Variants in FAM177A1 observed in about 807,000 individuals in gnomAD.
FAM177A1 encodes the protein family with sequence similarity 177 member A1.
Under a neutral mutation model 26.1 loss-of-function variants are expected in FAM177A1, and 22 were observed. The ratio of observed to expected loss-of-function variants is 0.84; its 90% CI spans 0.60 to 1.20. The LOEUF is 1.20. Among genes scored for constraint, FAM177A1 ranks in the 50% most tolerant of loss-of-function variants. The pLI is 0.00. For synonymous variants in FAM177A1, 95 were observed against 99.3 expected (o/e 0.96, Z 0.26); for missense variants, 296 against 291.1 (o/e 1.02, Z -0.12).
Position 35,082,974 on chromosome 14 carries a change from G to C in FAM177A1, c.*1746G>C, listed in dbSNP as rs535886051. On this transcript the variant is annotated 3_prime_UTR_variant, in exon 5 of 5. Coordinates refer to ENST00000280987, the MANE Select transcript of FAM177A1 (RefSeq NM_173607.5). ...ATGGGTGTAAACCCTTTATAACTTAGTGCTTAAAATATTAATCTTTTGATT... is the reference window on the plus strand; with the variant it reads ...ATGGGTGTAAACCCTTTATAACTTACTGCTTAAAATATTAATCTTTTGATT... 6.6e-6 allele frequency: 1 copy of C among 152,262 alleles called. No homozygotes were observed. Among genetic ancestry groups the C allele is most frequent in the African/African-American group, 2.4e-5 (1 of 41,556 alleles). The allele number at this position is 152,262 out of a possible 1,614,324, so 9.4% of individuals were successfully genotyped here. A position where few individuals can be genotyped will look rare whatever the true frequency, so the allele number is the denominator to read the frequency against.
intron 4 of FAM177A1, among the ~76,000 whole-genome samples, chr14:35,080,682 T>C (rs2045467125): frequency 6.6e-6 from 1 of 152,046 alleles, no homozygotes; most frequent in African/African-American, 2.4e-5. Flanking sequence ...GTGCTTGTAG[T>C]CCCAGCTACT....
At chr14:35,059,596 G>A (rs1354064766) in intron 2 of FAM177A1, among the ~76,000 whole-genome samples, 2 of 147,226 alleles carry the variant, frequency 1.4e-5, no homozygotes, top group African/African-American at 5.0e-5. Context: ...GTGCAGTGGC[G>A]CAATCTCGGC....
In FAM177A1 at chr14:35,077,468, CTTTTTTTTTTTTTTT is replaced by C. The variant is rs150813883; in HGVS notation, c.406+263_406+277del. ...TTAGTTTAGATATGGTTTTCAAGTT[CTTTTTTTTTTTTTTT>C]TTTTTTTTTTGAGACGGAGTCTCGC... On this transcript the variant is annotated intron_variant, in intron 3 of 4. Coordinates refer to ENST00000280987, the MANE Select transcript of FAM177A1 (RefSeq NM_173607.5). Among the ~76,000 whole-genome samples, 36 of 79,530 alleles carry C rather than the reference CTTTTTTTTTTTTTTT, an allele frequency of 4.5e-4. 1 individual carries two copies. Among genetic ancestry groups the C allele is most frequent in the Non-Finnish European group, 1.2e-4 (5 of 43,478 alleles). The allele number at this position is 79,530 out of a possible 152,430, so 52.2% of individuals were successfully genotyped here. A position where few individuals can be genotyped will look rare whatever the true frequency, so the allele number is the denominator to read the frequency against.
chr14:35,062,935 C>A lies in FAM177A1; in HGVS notation c.339+9484C>A, dbSNP rs1399057616. ...TTAGAACTCGATTTGAGATTGAAAC[C>A]CCATAACTTATTTTTTAAATTTTCT... On this transcript the variant is annotated intron_variant, in intron 2 of 4. Transcript: ENST00000280987. Among the ~76,000 whole-genome samples, 3 of 146,330 alleles carry A rather than the reference C, an allele frequency of 2.1e-5. No individual in the cohort carries two copies. In the East Asian group the frequency reaches 5.9e-4, roughly 29 times the overall value.
At position 35,080,924 on chromosome 14, in the gene FAM177A1, T is replaced by C. The variant is rs1212916796; in HGVS notation, c.505-98T>C. 3 of 1,378,848 alleles carry C rather than the reference T, an allele frequency of 2.2e-6. No individual in the cohort carries two copies. In the African/African-American group the frequency reaches 4.4e-5, roughly 20 times the overall value. 85.4% of individuals were successfully genotyped at this position (1,378,848 alleles called of 1,614,324 possible). On this transcript the variant is annotated intron_variant, in intron 4 of 4. Transcript: ENST00000280987. ...TTTGAACATGACACTTTTTTTTTTT[T>C]TTTTTTTTAAACATAAGCTGACAGT...
chr14:35,047,030 T>A, intron 1 of FAM177A1: 1 of 1,006,710 alleles, frequency 9.9e-7, no homozygotes, highest in Non-Finnish European at 1.2e-6. Flanking sequence ...TTGCTTGGCA[T>A]ATGCCAAACG....
In FAM177A1 at chr14:35,082,567, A is replaced by G. The variant is rs2045502077; in HGVS notation, c.*1339A>G. 2 of 108,036 alleles carry G rather than the reference A, an allele frequency of 1.9e-5. No individual in the cohort carries two copies. The highest frequency in any genetic ancestry group is 3.9e-5 in the African/African-American group (1 of 25,606). 6.7% of individuals were successfully genotyped at this position (108,036 alleles called of 1,614,324 possible). On this transcript the variant is annotated 3_prime_UTR_variant, in exon 5 of 5. Transcript: ENST00000280987. ...CACACAGACACACACACACACACATATATCTCTAAATGTGTGTATAGAACC... is the reference window on the plus strand; with the variant it reads ...CACACAGACACACACACACACACATGTATCTCTAAATGTGTGTATAGAACC...
chr14:35,080,970 C>T, intron 4 of FAM177A1, 52 bp from the exon 5 acceptor site: 1 of 1,501,546 alleles, frequency 6.7e-7, no homozygotes, highest in East Asian at 2.5e-5. Flanking sequence ...GCACTATATA[C>T]CTTTTGGACT....
chr14:35,060,235 A>G (rs896765248), intron 2 of FAM177A1, among the ~76,000 whole-genome samples: 2 of 151,732 alleles, frequency 1.3e-5, no homozygotes, highest in African/African-American at 4.8e-5. Flanking sequence ...TTGGCCTCCT[A>G]AAGTGCTGGG....
chr14:35,077,285 T>A (rs551753207), intron 3 of FAM177A1, 69 bp downstream of exon 3: 2 of 1,415,136 alleles, frequency 1.4e-6, no homozygotes, highest in African/African-American at 1.4e-5. Context: ...CTTTGCTAAA[T>A]AGGATGTTTC....
intron 2 of FAM177A1, among the ~76,000 whole-genome samples, chr14:35,075,037 A>T (rs2045374422): frequency 6.6e-6 from 1 of 151,908 alleles, no homozygotes; most frequent in African/African-American, 2.4e-5. Flanking sequence ...ACTCTGTCTT[A>T]AAAAAAACTC....
chr14:35,075,172 C>G (rs942387584), intron 2 of FAM177A1, among the ~76,000 whole-genome samples: 7 of 152,208 alleles, frequency 4.6e-5, no homozygotes, highest in Admixed American at 6.5e-5. Context: ...CAGATAACAT[C>G]TGTTTGGCAA....
At chr14:35,074,247 C>G (rs1217341903) in intron 2 of FAM177A1, among the ~76,000 whole-genome samples, 2 of 152,130 alleles carry the variant, frequency 1.3e-5, no homozygotes, top group Non-Finnish European at 2.9e-5. Context: ...CGGGTTCAAA[C>G]GATTCTCCCG....
At chr14:35,049,556 A>G (rs995209145) in intron 1 of FAM177A1, among the ~76,000 whole-genome samples, 1 of 152,140 alleles carries the variant, frequency 6.6e-6, no homozygotes, top group Non-Finnish European at 1.5e-5. Flanking sequence ...GGCTGAGGCC[A>G]GTGGATCACT....
At chr14:35,044,916 G>A (rs140374030), upstream of FAM177A1, 3 of 151,116 alleles carry the variant, frequency 2.0e-5, no homozygotes, top group African/African-American at 7.3e-5. Flanking sequence ...AAAGAAAATT[G>A]TAATTTGATA....
At chr14:35,060,864 G>A (rs1056062739) in intron 2 of FAM177A1, among the ~76,000 whole-genome samples, 2 of 152,098 alleles carry the variant, frequency 1.3e-5, no homozygotes, top group African/African-American at 2.4e-5. Flanking sequence ...GTTGATCACC[G>A]TTCTGAGTAG....
At chr14:35,046,918 T>TC (rs2139052028) in intron 1 of FAM177A1, 1 of 1,215,496 alleles carries the variant, frequency 8.2e-7, no homozygotes, top group Non-Finnish European at 1.0e-6. Flanking sequence ...GAAAGGCGTG[T>TC]CCCCCAAAGG....
In FAM177A1 at chr14:35,047,754, GCAACAA is replaced by G. The variant is rs141401661; in HGVS notation, c.165+1151_165+1156del. ...CAGAGCGAGACTCCGTCTCAAAACAGCAACAACAACAACAACAACAACAACAACAAA... is the reference window on the plus strand; with the variant it reads ...CAGAGCGAGACTCCGTCTCAAAACAGCAACAACAACAACAACAACAACAAA... On this transcript the variant is annotated intron_variant, in intron 1 of 4. Coordinates refer to ENST00000280987, the MANE Select transcript of FAM177A1 (RefSeq NM_173607.5). Among the ~76,000 whole-genome samples the G allele has an allele frequency of 1.2e-3, 156 of 134,220 alleles. 1 individual carries two copies. Among genetic ancestry groups the G allele is most frequent in the African/African-American group, 3.8e-3 (143 of 38,026 alleles). The allele number at this position is 134,220 out of a possible 152,430, so 88.1% of individuals were successfully genotyped here.
At chr14:35,075,672 A>G (rs1364574461) in intron 2 of FAM177A1, among the ~76,000 whole-genome samples, 6 of 152,208 alleles carry the variant, frequency 3.9e-5, no homozygotes, top group African/African-American at 1.4e-4. Flanking sequence ...AACCTACAGA[A>G]TGGGAGAAAA....
Sources: allele counts gnomAD v4.1 joint callset (sites outside exome capture counted in the v4.1 genomes callset), GRCh38; gene constraint gnomAD v4.1.1; transcripts MANE v1.5; gene names NCBI Gene and HGNC (gene_info 2026-07-23, HGNC 2026-07-21).